RAE1: variants seen among roughly 807,000 people sequenced by gnomAD.
RAE1 encodes mRNA export factor RAE1.
A neutral mutation model predicts 52.7 loss-of-function variants in RAE1; 13 were observed. The ratio of observed to expected loss-of-function variants is 0.25; its 90% CI spans 0.16 to 0.39. The LOEUF is 0.39. RAE1 is among the 10% of genes least tolerant of loss of function. The pLI is 1.00. For missense variants in RAE1, 262 were observed against 459.8 expected, an observed-to-expected ratio of 0.57 and a Z score of 3.93; for synonymous variants, 164 against 153.1, an observed-to-expected ratio of 1.07 and a Z score of -0.52.
intron 10 of RAE1, among the ~76,000 whole-genome samples, chr20:57,374,258 G>A (rs751214849): frequency 3.3e-5 from 5 of 152,160 alleles, no homozygotes; most frequent in Admixed American, 6.5e-5. Flanking sequence ...ATGTTTTGCC[G>A]AGAGTCTTCT....
In RAE1 at chr20:57,354,024, C is replaced by T. The variant is rs757390192; in HGVS notation, c.-7-8C>T. The T allele has an allele frequency of 4.3e-6, 7 of 1,609,782 alleles. No individual in the cohort carries two copies. The highest frequency in any genetic ancestry group is 1.3e-5 in the African/African-American group (1 of 74,822). ...AACCCATCCTTAACATTTTTCATTA[C>T]TTTTTAGGTTCAAAATGAGCCTGTT... On this transcript the variant is annotated splice_polypyrimidine_tract_variant and splice_region_variant and intron_variant, in intron 1 of 11. Transcript: ENST00000395841.
At position 57,351,592 on chromosome 20, in the gene RAE1, AG is replaced by A. The variant is rs2066709654; in HGVS notation, c.-8+174del. The A allele has an allele frequency of 5.1e-6, 5 of 985,416 alleles. No homozygotes were observed. In the South Asian group the frequency reaches 1.9e-4, roughly 37 times the overall value. The allele number at this position is 985,416 out of a possible 1,614,324, so 61.0% of individuals were successfully genotyped here. A position where few individuals can be genotyped will look rare whatever the true frequency, so the allele number is the denominator to read the frequency against. ...CGAGGTCAGAGCTGGAAATGGCCTT[AG>A]GGGTCACCTAGGGCCTAATCCATCG... On this transcript the variant is annotated intron_variant, in intron 1 of 11. Transcript: ENST00000395841.
At chr20:57,353,481 C>T (rs1359360075) in intron 1 of RAE1, among the ~76,000 whole-genome samples, 2 of 152,222 alleles carry the variant, frequency 1.3e-5, no homozygotes, top group Non-Finnish European at 2.9e-5. Context: ...CGATGCCCGA[C>T]CTTTTTAAAA....
intron 4 of RAE1, chr20:57,358,837 T>C: frequency 1.9e-6 from 1 of 522,422 alleles, no homozygotes; most frequent in South Asian, 4.1e-5. Context: ...GGAGGTTGAA[T>C]TATGCTCCGA....
chr20:57,366,274 G>A (rs780935558), intron 5 of RAE1, among the ~76,000 whole-genome samples: 11 of 152,192 alleles, frequency 7.2e-5, no homozygotes, highest in Non-Finnish European at 1.6e-4. Flanking sequence ...GATTATGGGT[G>A]TATTAGTCCC....
chr20:57,353,410 T>A (rs183695109), intron 1 of RAE1, among the ~76,000 whole-genome samples: 29 of 152,320 alleles, frequency 1.9e-4, no homozygotes, highest in Admixed American at 1.6e-3. Flanking sequence ...CCTGTTAGAT[T>A]ATGATATTCA....
intron 4 of RAE1, chr20:57,357,386 T>C (rs1371210269): frequency 1.3e-5 from 2 of 152,204 alleles, no homozygotes; most frequent in African/African-American, 4.8e-5. Flanking sequence ...GCTCAGCATG[T>C]TGCATTAACG....
At position 57,378,955 on chromosome 20, in the gene RAE1, T is replaced by C. The variant is rs2067151772; in HGVS notation, c.*856T>C. ...GTTGTTTGGCTGTTCTTTTGTATTT[T>C]GTGTAATTTAAAATTCCTGGTTGGT... On this transcript the variant is annotated 3_prime_UTR_variant, in exon 12 of 12. Coordinates refer to ENST00000395841, the MANE Select transcript of RAE1 (RefSeq NM_003610.4). 1 of 152,252 alleles carries C rather than the reference T, an allele frequency of 6.6e-6. No individual in the cohort carries two copies. Among genetic ancestry groups the C allele is most frequent in the Non-Finnish European group, 1.5e-5 (1 of 68,050 alleles). 9.4% of individuals were successfully genotyped at this position (152,252 alleles called of 1,614,324 possible).
chr20:57,354,684 C>A, intron 2 of RAE1, 28 bp from the exon 3 acceptor site: 1 of 1,499,426 alleles, frequency 6.7e-7, no homozygotes, highest in Non-Finnish European at 9.0e-7. Flanking sequence ...AGCGTGCATA[C>A]ATTTTAACAT....
At chr20:57,353,930 A>C (rs2066747290) in intron 1 of RAE1, 102 bp from the exon 2 acceptor site, 1 of 1,029,840 alleles carries the variant, frequency 9.7e-7, no homozygotes, top group South Asian at 1.5e-5. Flanking sequence ...CCTGGCCTCA[A>C]GCCACTTTGA....
chr20:57,369,063 A>G (rs778514895), intron 8 of RAE1, among the ~76,000 whole-genome samples: 17 of 152,256 alleles, frequency 1.1e-4, no homozygotes, highest in Non-Finnish European at 1.9e-4. Flanking sequence ...TGTAGGGGCC[A>G]AGGGAAAACT....
At chr20:57,356,680 T>G in intron 4 of RAE1, 142 bp downstream of exon 4, 1 of 792,598 alleles carries the variant, frequency 1.3e-6, no homozygotes, top group Non-Finnish European at 1.9e-6. Flanking sequence ...TAGTCATTTA[T>G]TGATGTTCTT....
chr20:57,369,371 G>C (rs1170249975), intron 8 of RAE1, among the ~76,000 whole-genome samples: 1 of 152,220 alleles, frequency 6.6e-6, no homozygotes, highest in Non-Finnish European at 1.5e-5. Context: ...CCCACAGGTA[G>C]CACCCTCGGA....
In RAE1 at chr20:57,378,121, C is replaced by T. The variant is rs1443256535; in HGVS notation, c.*22C>T. On this transcript the variant is annotated 3_prime_UTR_variant, in exon 12 of 12. Coordinates refer to ENST00000395841, the MANE Select transcript of RAE1 (RefSeq NM_003610.4). ...GTAGTGGCTGGAGACTCTGGCTCAG[C>T]CAGAGTTGTTTCTCTCCACTCTGCC... The T allele has an allele frequency of 3.2e-6, 5 of 1,573,278 alleles. No individual in the cohort carries two copies. Among genetic ancestry groups the T allele is most frequent in the Non-Finnish European group, 3.5e-6 (4 of 1,149,682 alleles).
rs574179490 is a variant in RAE1, at chr20:57,359,408, A to G, written c.288+2870A>G. 202 of 160,722 alleles carry G rather than the reference A, an allele frequency of 1.3e-3. 1 individual carries two copies. The highest frequency in any genetic ancestry group is 3.5e-3 in the African/African-American group (147 of 41,978). The allele number at this position is 160,722 out of a possible 1,614,324, so 10.0% of individuals were successfully genotyped here. A position where few individuals can be genotyped will look rare whatever the true frequency, so the allele number is the denominator to read the frequency against. ...TTCTATTAAGTAATAGATTAGTCCA[A>G]TGTGATGTTAGGAGTTCAGTAGACT... On this transcript the variant is annotated intron_variant, in intron 4 of 11. Coordinates refer to ENST00000395841, the MANE Select transcript of RAE1 (RefSeq NM_003610.4).
intron 4 of RAE1, among the ~76,000 whole-genome samples, chr20:57,362,907 A>G (rs934730803): frequency 6.6e-6 from 1 of 152,058 alleles, no homozygotes; most frequent in East Asian, 1.9e-4. Context: ...CAGCCTCCCA[A>G]GTAGCTGGGG....
intron 4 of RAE1, among the ~76,000 whole-genome samples, chr20:57,364,946 T>G (rs191702769): frequency 8.5e-5 from 13 of 152,362 alleles, no homozygotes; most frequent in East Asian, 1.9e-4. Flanking sequence ...ATGTTTACAA[T>G]TGATGAATCT....
At chr20:57,377,235 C>T (rs566648881) in intron 11 of RAE1, among the ~76,000 whole-genome samples, 4 of 152,212 alleles carry the variant, frequency 2.6e-5, no homozygotes, top group Admixed American at 6.5e-5. Context: ...GTGCACCCAG[C>T]GCCATGCCCC....
At chr20:57,363,229 C>T (rs1036577008) in intron 4 of RAE1, among the ~76,000 whole-genome samples, 3 of 152,104 alleles carry the variant, frequency 2.0e-5, no homozygotes, top group African/African-American at 7.2e-5. Flanking sequence ...AATTTGTTTT[C>T]TTGTTTAGAA....
Sources: allele counts gnomAD v4.1 joint callset (sites outside exome capture counted in the v4.1 genomes callset), GRCh38; gene constraint gnomAD v4.1.1; transcripts MANE v1.5; gene names NCBI Gene and HGNC (gene_info 2026-07-23, HGNC 2026-07-21).